Variants in MTRF1 observed in about 807,000 individuals in gnomAD.
The protein encoded by MTRF1 is mitochondrial translation release factor 1.
MTRF1 carries 51 observed loss-of-function variants against 62.9 expected under a neutral mutation model. The observed-to-expected ratio is 0.81, with a 90% CI of 0.65 to 1.02. MTRF1 has a LOEUF of 1.02. Ranked by LOEUF, MTRF1 falls within the 50% of genes least tolerant of loss-of-function variation. MTRF1 has a pLI of 0.00. For missense variants in MTRF1, 446 were observed against 530.0 expected (o/e 0.84, Z 1.56); for synonymous variants, 158 against 181.9 (o/e 0.87, Z 1.06).
chr13:41,218,897 C>A (rs1174624334), intron 9 of MTRF1, among the ~76,000 whole-genome samples: 1 of 152,158 alleles, frequency 6.6e-6, no homozygotes, highest in Non-Finnish European at 1.5e-5. Flanking sequence ...TATAGTAAAA[C>A]CTCAAACTCT....
At chr13:41,248,342 G>A (rs1408375405) in intron 5 of MTRF1, among the ~76,000 whole-genome samples, 2 of 152,128 alleles carry the variant, frequency 1.3e-5, no homozygotes, top group South Asian at 2.1e-4. Flanking sequence ...AGATGGTCTC[G>A]ACCTCCTGAC....
At chr13:41,273,823 G>A in the MTRF1 span, among the ~76,000 whole-genome samples, 1 of 152,126 alleles carries the variant, frequency 6.6e-6, no homozygotes, top group Non-Finnish European at 1.5e-5. Context: ...GGCAATAAGA[G>A]TGAAACTCCG....
intron 9 of MTRF1, among the ~76,000 whole-genome samples, chr13:41,221,235 C>A (rs1232404847): frequency 1.3e-5 from 2 of 151,148 alleles, no homozygotes; most frequent in African/African-American, 4.9e-5. Flanking sequence ...TGGCTCACTA[C>A]AAGTTCCACC....
chr13:41,291,027 C>T, the MTRF1 span, among the ~76,000 whole-genome samples: 11 of 150,404 alleles, frequency 7.3e-5, no homozygotes, highest in South Asian at 1.9e-3. Context: ...ACGTGGGAGG[C>T]GGAGGTTGCA....
chr13:41,238,498 G>A (rs1322216633), intron 6 of MTRF1, among the ~76,000 whole-genome samples: 2 of 152,166 alleles, frequency 1.3e-5, no homozygotes, highest in African/African-American at 4.8e-5. Flanking sequence ...TGAGAAGGTA[G>A]TAGGGAGGAA....
At chr13:41,235,386 A>C (rs2036318697) in intron 6 of MTRF1, 1 of 152,230 alleles carries the variant, frequency 6.6e-6, no homozygotes, top group Admixed American at 6.5e-5. Flanking sequence ...ACTGGGAATA[A>C]TGAAAATCAA....
At chr13:41,291,056 A>G in the MTRF1 span, among the ~76,000 whole-genome samples, 1 of 151,382 alleles carries the variant, frequency 6.6e-6, no homozygotes, top group Non-Finnish European at 1.5e-5. Context: ...AGATCACGCC[A>G]TTGCACTCCA....
the MTRF1 span, among the ~76,000 whole-genome samples, chr13:41,302,503 G>A: frequency 6.6e-6 from 1 of 151,812 alleles, no homozygotes; most frequent in Non-Finnish European, 1.5e-5. Context: ...GGAAGAAAAG[G>A]GAGAAACACA....
chr13:41,220,778 C>A (rs2033165277), intron 9 of MTRF1: 1 of 389,962 alleles, frequency 2.6e-6, no homozygotes, highest in Non-Finnish European at 5.0e-6. Context: ...GAAAATGTGG[C>A]CTCTAACCTC....
chr13:41,256,429 C>A (rs1431868802), intron 2 of MTRF1, among the ~76,000 whole-genome samples: 1 of 151,560 alleles, frequency 6.6e-6, no homozygotes, highest in East Asian at 1.9e-4. Flanking sequence ...TGGGTTCAAG[C>A]AATTCTCCTG....
At chr13:41,283,918 T>C in the MTRF1 span, among the ~76,000 whole-genome samples, 1 of 152,110 alleles carries the variant, frequency 6.6e-6, no homozygotes, top group Non-Finnish European at 1.5e-5. Context: ...GTTCAAATAA[T>C]ATTGCTTAAA....
intron 1 of MTRF1, chr13:41,261,949 A>C: frequency 1.8e-5 from 3 of 171,228 alleles, no homozygotes; most frequent in Non-Finnish European, 3.5e-5. Flanking sequence ...ATAGAATCTC[A>C]ATTACATTTA....
chr13:41,279,082 G>A, the MTRF1 span, among the ~76,000 whole-genome samples: 6 of 152,006 alleles, frequency 3.9e-5, no homozygotes, highest in Admixed American at 1.3e-4. Flanking sequence ...TCTTTCTCCC[G>A]GGTTTAAGCA....
chr13:41,226,358 C>G (rs2034431209), intron 8 of MTRF1, 74 bp downstream of exon 8: 2 of 1,456,112 alleles, frequency 1.4e-6, no homozygotes, highest in Middle Eastern at 3.9e-4. Context: ...TAAGCAAGAA[C>G]AAACACTGCA....
intron 5 of MTRF1, among the ~76,000 whole-genome samples, chr13:41,242,810 G>T (rs763760865): frequency 6.6e-6 from 1 of 152,098 alleles, no homozygotes; most frequent in Non-Finnish European, 1.5e-5. Context: ...ATGGCTGGGC[G>T]CAGTGGTTCA....
At chr13:41,305,594 G>T in the MTRF1 span, among the ~76,000 whole-genome samples, 8 of 152,310 alleles carry the variant, frequency 5.3e-5, no homozygotes, top group Non-Finnish European at 8.8e-5. Context: ...GGAGAGACAA[G>T]TTCTCACCTT....
chr13:41,285,379 G>A, the MTRF1 span, among the ~76,000 whole-genome samples: 7 of 152,236 alleles, frequency 4.6e-5, no homozygotes, highest in Admixed American at 4.6e-4. Flanking sequence ...TGTCCCAACA[G>A]CCTTAATTTT....
At chr13:41,234,106 A>T in intron 6 of MTRF1, 99 bp from the exon 7 acceptor site, 1 of 947,102 alleles carries the variant, frequency 1.1e-6, no homozygotes. Flanking sequence ...TTTAAGATAA[A>T]TTATAGCCTT....
chr13:41,282,131 C>T, the MTRF1 span, among the ~76,000 whole-genome samples: 75 of 149,574 alleles, frequency 5.0e-4, no homozygotes, highest in Middle Eastern at 3.4e-3. Context: ...GAGCAAGACT[C>T]CGTCTCAAAA....
Sources: allele counts gnomAD v4.1 joint callset (sites outside exome capture counted in the v4.1 genomes callset), GRCh38; gene constraint gnomAD v4.1.1; transcripts MANE v1.5; gene names NCBI Gene and HGNC (gene_info 2026-07-23, HGNC 2026-07-21).